GOLGA3: variants seen among roughly 807,000 people sequenced by gnomAD.
The protein encoded by GOLGA3 is golgin A3.
Under a neutral mutation model 169.4 loss-of-function variants are expected in GOLGA3, and 75 were observed. The ratio of observed to expected loss-of-function variants is 0.44; its 90% confidence interval spans 0.37 to 0.54. The LOEUF is 0.54. Among genes scored for constraint, GOLGA3 ranks in the 20% least tolerant of loss-of-function variants. GOLGA3 has a pLI of 0.00. For missense variants in GOLGA3, 1,899 were observed against 1,930.0 expected (o/e 0.98, Z 0.30); for synonymous variants, 824 against 822.4 (o/e 1.00, Z -0.03).
At chr12:132,789,752 G>C (rs2046122332) in intron 12 of GOLGA3, among the ~76,000 whole-genome samples, 1 of 152,230 alleles carries the variant, frequency 6.6e-6, no homozygotes, top group South Asian at 2.1e-4. Context: ...AAATACAGCA[G>C]GCCGGGCGCG....
chr12:132,814,022 C>A (rs1325416286), intron 3 of GOLGA3, among the ~76,000 whole-genome samples: 1 of 117,564 alleles, frequency 8.5e-6, no homozygotes. Context: ...CCGCGCCCGG[C>A]CTTTTTTTTT....
rs547406309 is a variant in GOLGA3, at chr12:132,770,661, G to A, written c.*2444C>T. The stretch of plus-strand genomic sequence containing the variant: ...ATCATTTATTTATTTTTGAGACGGA[G>A]TCTCGCTCTGTTGCCCAGGCTGGAG... On this transcript the variant is annotated 3_prime_UTR_variant, in exon 24 of 24. Coordinates refer to ENST00000450791, the MANE Select transcript of GOLGA3 (RefSeq NM_001389683.1). 1.1e-4 allele frequency: 17 copies of A among 152,336 alleles called. No individual in the cohort carries two copies. The highest frequency in any genetic ancestry group is 3.8e-4 in the African/African-American group (16 of 41,568). The allele number at this position is 152,336 out of a possible 1,614,324, so 9.4% of individuals were successfully genotyped here. A position where few individuals can be genotyped will look rare whatever the true frequency, so the allele number is the denominator to read the frequency against.
intron 11 of GOLGA3, among the ~76,000 whole-genome samples, chr12:132,791,998 G>T (rs11615804): frequency 1.4e-5 from 2 of 143,738 alleles, no homozygotes; most frequent in Admixed American, 6.8e-5. Flanking sequence ...GGCTCCAAGA[G>T]GGGGATGCAT....
rs1432716997 is a variant in GOLGA3, at chr12:132,769,583, C to T, written c.*3522G>A. 1.3e-5 allele frequency: 2 copies of T among 152,204 alleles called. No homozygotes were observed. Among genetic ancestry groups the T allele is most frequent in the Admixed American group, 6.5e-5 (1 of 15,278 alleles). 9.4% of individuals were successfully genotyped at this position (152,204 alleles called of 1,614,324 possible). On this transcript the variant is annotated 3_prime_UTR_variant, in exon 24 of 24. Coordinates refer to ENST00000450791, the MANE Select transcript of GOLGA3 (RefSeq NM_001389683.1). The stretch of plus-strand genomic sequence containing the variant: ...CCCGTAGCATCAATCTCACATATAC[C>T]ACGGAAAAACACATGAAAACCAAGT...
chr12:132,783,248 A>ACACCACAGGC (rs60031350), intron 16 of GOLGA3, among the ~76,000 whole-genome samples: 44,833 of 151,018 alleles, frequency 0.3, 6,843 homozygotes, highest in Middle Eastern at 0.46. Flanking sequence ...ACACCACAGG[A>ACACCACAGGC]CCGTGCTTGC....
chr12:132,788,950 G>GACACAGGCCCCGCCCCAC, intron 13 of GOLGA3, 77 bp downstream of exon 13: 55 of 430,832 alleles, frequency 1.3e-4, no homozygotes, highest in Non-Finnish European at 1.7e-4. Context: ...CCCCGCCCCA[G>GACACAGGCCCCGCCCCAC]ACACAGGCCC....
chr12:132,795,821 A>T, intron 11 of GOLGA3, 31 bp downstream of exon 11: 1 of 1,593,590 alleles, frequency 6.3e-7, no homozygotes, highest in Non-Finnish European at 8.6e-7. Context: ...GAGGGTTCTG[A>T]TTCAAAACAA....
chr12:132,806,501 C>T (rs775165252), intron 6 of GOLGA3, among the ~76,000 whole-genome samples: 31 of 152,346 alleles, frequency 2.0e-4, no homozygotes, highest in Non-Finnish European at 4.0e-4. Context: ...CGACATGAGG[C>T]GTGCATTTAG....
At chr12:132,776,450 G>A (rs1026951070) in intron 21 of GOLGA3, among the ~76,000 whole-genome samples, 184 bp downstream of exon 21, 1 of 143,688 alleles carries the variant, frequency 7.0e-6, no homozygotes, top group Non-Finnish European at 1.5e-5. Context: ...GCTCCCGCCT[G>A]TACCCAGCGC....
At chr12:132,814,615 C>T (rs775533211) in intron 3 of GOLGA3, among the ~76,000 whole-genome samples, 4 of 152,324 alleles carry the variant, frequency 2.6e-5, no homozygotes, top group African/African-American at 9.6e-5. Context: ...TAACAAGTCA[C>T]ATTACGATAA....
rs760835292 is a variant in GOLGA3, at chr12:132,777,651, G to A, written c.3722+15C>T. The A allele has an allele frequency of 3.7e-6, 6 of 1,613,396 alleles. No individual in the cohort carries two copies. The highest frequency in any genetic ancestry group is 1.7e-5 in the Admixed American group (1 of 59,972). On this transcript the variant is annotated intron_variant, in intron 19 of 23. Coordinates refer to ENST00000450791, the MANE Select transcript of GOLGA3 (RefSeq NM_001389683.1). The surrounding 1 kb of genome is among the most constrained non-coding windows in gnomAD (Gnocchi z 4.7). ...GACAGCCATGTTTGAGGGCTGGCGG[G>A]GCCCAGGCACTCACTGAAGGTCGTC...
At chr12:132,780,329 G>GA (rs1386635470) in intron 18 of GOLGA3, among the ~76,000 whole-genome samples, 1 of 152,178 alleles carries the variant, frequency 6.6e-6, no homozygotes, top group African/African-American at 2.4e-5. Flanking sequence ...GCAGGGCCCA[G>GA]ACAGGGCACC....
At chr12:132,778,059 A>T (rs1157325638) in intron 18 of GOLGA3, among the ~76,000 whole-genome samples, 1 of 152,192 alleles carries the variant, frequency 6.6e-6, no homozygotes, top group African/African-American at 2.4e-5. Context: ...TCTCGGTCTA[A>T]ATAGTTTTTA....
chr12:132,821,205 G>A lies in GOLGA3; in HGVS notation c.133+791C>T, dbSNP rs138713513. ...GCGGATCACCTGAGGTTGGGAGTTCGTGGCCAGCCTGACCAACATGGAGAA... is the reference window on the plus strand; with the variant it reads ...GCGGATCACCTGAGGTTGGGAGTTCATGGCCAGCCTGACCAACATGGAGAA... On this transcript the variant is annotated intron_variant, in intron 2 of 23. Coordinates refer to ENST00000450791, the MANE Select transcript of GOLGA3 (RefSeq NM_001389683.1). 4.8e-4 allele frequency among the ~76,000 whole-genome samples: 73 copies of A among 150,744 alleles called. No homozygotes were observed. In the East Asian group the frequency reaches 0.013, roughly 26 times the overall value.
At chr12:132,787,703 ACC>A (rs2045984139) in intron 13 of GOLGA3, among the ~76,000 whole-genome samples, 1 of 21,460 alleles carries the variant, frequency 4.7e-5, no homozygotes, top group East Asian at 3.9e-3. Context: ...CTCCCCGGAG[ACC>A]CCGGGACCCC....
chr12:132,800,873 A>T (rs979446940), intron 8 of GOLGA3, among the ~76,000 whole-genome samples: 9 of 152,104 alleles, frequency 5.9e-5, no homozygotes, highest in Admixed American at 6.6e-5. Flanking sequence ...GTAGGAGAAT[A>T]GCTTGAGTCT....
In GOLGA3 at chr12:132,782,397, T is replaced by C. The variant is rs1230716194; in HGVS notation, c.3364A>G (p.Thr1122Ala). The change falls in exon 17 of 24, where the codon ACG becomes GCG. Residue 1122 changes from threonine to alanine, a missense_variant. Coordinates refer to ENST00000450791, the MANE Select transcript of GOLGA3 (RefSeq NM_001389683.1). ...LELEHEKGKL[T>A]GLGQSNAALR... ...GCTGCGTTGGACTGACCGAGGCCCG[T>C]AAGCTTCCCTTTCTCGTGCTCTAAT... 1 of 1,614,092 alleles carries C rather than the reference T, an allele frequency of 6.2e-7. No individual in the cohort carries two copies. Among genetic ancestry groups the C allele is most frequent in the Non-Finnish European group, 8.5e-7 (1 of 1,180,020 alleles).
rs908480340 is a variant in GOLGA3 at position 132,826,153 on chromosome 12, T to C, written c.-184+2650A>G. 2.5e-6 allele frequency: 4 copies of C among 1,594,424 alleles called. No individual in the cohort carries two copies. The African/African-American group carries it at 5.4e-5, about 22-fold the overall frequency. On this transcript the variant is annotated intron_variant, in intron 1 of 23. Coordinates refer to ENST00000450791, the MANE Select transcript of GOLGA3 (RefSeq NM_001389683.1). ...TCAACGTGCTCCAGGTCACCAAGGCTGCCAGCACCAAGAAGCAGTTCCAGA... is the reference window on the plus strand; with the variant it reads ...TCAACGTGCTCCAGGTCACCAAGGCCGCCAGCACCAAGAAGCAGTTCCAGA...
At chr12:132,786,887 G>T (rs957869360) in intron 13 of GOLGA3, 100 bp from the exon 14 acceptor site, 3 of 815,932 alleles carry the variant, frequency 3.7e-6, no homozygotes, top group Non-Finnish European at 6.2e-6. Context: ...GCACTGCTCA[G>T]GCTCGCCCTG....
Sources: gnomAD v4.1 joint callset for allele counts (sites outside exome capture counted in the v4.1 genomes callset) on GRCh38, gnomAD v4.1.1 for gene constraint, Gnocchi (gnomAD v3.1) non-coding constraint, MANE v1.5 for transcripts, NCBI Gene and HGNC (gene_info 2026-07-23, HGNC 2026-07-21) for gene names.